RDH13: variants seen among roughly 807,000 people sequenced by gnomAD.
RDH13 encodes the protein retinol dehydrogenase 13, also known as retinol dehydrogenase 13 (all-trans and 9-cis).
In RDH13, 35 loss-of-function variants were observed where a neutral mutation model predicts 28.3. The observed-to-expected ratio is 1.24, with a 90% CI of 0.95 to 1.64. RDH13 has a LOEUF of 1.64. Ranked by LOEUF, RDH13 falls within the 40% of genes most tolerant of loss-of-function variation. The pLI, the probability that RDH13 is intolerant of heterozygous loss-of-function variation, is 0.00. For missense variants in RDH13, 514 were observed against 446.3 expected (o/e 1.15, Z -1.37); for synonymous variants, 229 against 198.5 (o/e 1.15, Z -1.29).
At chr19:55,039,165 T>C (rs2074946767) in exon 3 of RDH13, 1 of 152,212 alleles carries the variant, frequency 6.6e-6, no homozygotes, top group Non-Finnish European at 1.5e-5. Context: ...ACCACCCACA[T>C]GTCCATCAAC....
downstream of RDH13, among the ~76,000 whole-genome samples, chr19:55,043,916 G>A (rs1000410375): frequency 8.5e-5 from 9 of 105,906 alleles, no homozygotes; most frequent in African/African-American, 2.1e-4. Context: ...CTAAAAAGTC[G>A]GAACTTTTTT....
chr19:55,048,553 A>G lies in RDH13; in HGVS notation c.446-12T>C. On this transcript the variant is annotated splice_polypyrimidine_tract_variant and intron_variant, in intron 4 of 6. Transcript: ENST00000415061. ...CAAGAGAAAGTGACCTGGATTAAGG[A>G]TGATGAAAAGGTCACTTTTGACTCA... is the stretch of plus-strand genomic sequence containing the variant. 6.2e-7 allele frequency: 1 copy of G among 1,613,730 alleles called. No individual in the cohort carries two copies. Among genetic ancestry groups the G allele is most frequent in the Non-Finnish European group, 8.5e-7 (1 of 1,179,638 alleles).
chr19:55,063,209 G>GCGGGGATCCTAGGGA (rs2075868612), upstream of RDH13: 2 of 474,502 alleles, frequency 4.2e-6, no homozygotes, highest in East Asian at 3.6e-5. Context: ...GGCGGAGGGG[G>GCGGGGATCCTAGGGA]CGGGGATCCT....
chr19:55,050,887 AC>A (rs2075406517), intron 3 of RDH13: 1 of 151,310 alleles, frequency 6.6e-6, no homozygotes, highest in Non-Finnish European at 1.5e-5. Context: ...GTTGCAGCAC[AC>A]CCGTCATGAA....
rs772311109 is a variant in RDH13, at chr19:55,056,703, T to G, written c.290A>C (p.Asp97Ala). ...TCGGATAGACTTGAGGGAAGCCAAG[T>G]CCAGGTGCCGGGCGTTGACATGGTG... is the stretch of plus-strand genomic sequence containing the variant. The part of the protein sequence containing the change: ...LNHHVNARHL[D>A]LASLKSIREF... The change falls in exon 3 of 7, where the codon GAC becomes GCC. Residue 97 changes from aspartate to alanine, a missense_variant. Asp to Ala is a moderately radical substitution (Grantham distance 126). Coordinates refer to ENST00000415061, the MANE Select transcript of RDH13 (RefSeq NM_001145971.2). 54 of 1,613,922 alleles carry G rather than the reference T, an allele frequency of 3.3e-5. No homozygotes were observed. Among genetic ancestry groups the G allele is most frequent in the Non-Finnish European group, 4.6e-5 (54 of 1,180,016 alleles).
intron 5 of RDH13, 29 bp downstream of exon 5, chr19:55,048,300 G>A: frequency 6.2e-7 from 1 of 1,613,216 alleles, no homozygotes; most frequent in Non-Finnish European, 8.5e-7. Flanking sequence ...AGTAAAGCAA[G>A]AGGGAGGCCG....
At chr19:55,052,705 A>C (rs2075489719) in intron 3 of RDH13, among the ~76,000 whole-genome samples, 2 of 149,586 alleles carry the variant, frequency 1.3e-5, no homozygotes, top group Admixed American at 1.3e-4. Flanking sequence ...TCTGTCACCC[A>C]GGCTGGAGTG....
Position 55,048,767 on chromosome 19 carries a change from G to T in RDH13, c.341-4C>A, listed in dbSNP as rs775090598. 6.2e-7 allele frequency: 1 copy of T among 1,612,828 alleles called. No individual in the cohort carries two copies. The highest frequency in any genetic ancestry group is 8.5e-7 in the Non-Finnish European group (1 of 1,179,014). ...AGAATGTCCACTCGCTCCTCCTCTG[G>T]AAGAGAGGGGTGGAGGAGGAGACAT... On this transcript the variant is annotated splice_polypyrimidine_tract_variant and splice_region_variant and intron_variant, in intron 3 of 6. Transcript: ENST00000415061.
chr19:55,044,734 A>G lies in RDH13; in HGVS notation c.*340T>C, dbSNP rs1602693569. The G allele has an allele frequency of 1.8e-5, 6 of 335,514 alleles. No homozygotes were observed. In the East Asian group the frequency reaches 2.5e-4, roughly 14 times the overall value. The allele number at this position is 335,514 out of a possible 1,614,324, so 20.8% of individuals were successfully genotyped here. On this transcript the variant is annotated 3_prime_UTR_variant, in exon 7 of 7. Transcript: ENST00000415061. ...CCATGCTCTTCACGGAGCACCTTGG[A>G]ACCCTCCCCGACAGGCACCGCTGGC...
At chr19:55,048,878 CAG>C (rs1490020826) in intron 3 of RDH13, 115 bp from the exon 4 acceptor site, 8 of 939,290 alleles carry the variant, frequency 8.5e-6, no homozygotes, top group Admixed American at 2.0e-5. Context: ...GTGCCGGAAA[CAG>C]GGTCTGTGCC....
chr19:55,040,196 T>G (rs896081782), downstream of RDH13: 2 of 152,420 alleles, frequency 1.3e-5, no homozygotes, highest in Non-Finnish European at 2.9e-5. Context: ...TCTCACTCTG[T>G]CGCCGAGGCT....
chr19:55,044,743 C>T lies in RDH13; in HGVS notation c.*331G>A, dbSNP rs541018681. 20 of 357,018 alleles carry T rather than the reference C, an allele frequency of 5.6e-5. No individual in the cohort carries two copies. The highest frequency in any genetic ancestry group is 4.7e-4 in the South Asian group (6 of 12,812). The allele number at this position is 357,018 out of a possible 1,614,324, so 22.1% of individuals were successfully genotyped here. On this transcript the variant is annotated 3_prime_UTR_variant, in exon 7 of 7. Transcript: ENST00000415061. ...TCACGGAGCACCTTGGAACCCTCCCCGACAGGCACCGCTGGCTCTCCTGAC... is the reference window on the plus strand; with the variant it reads ...TCACGGAGCACCTTGGAACCCTCCCTGACAGGCACCGCTGGCTCTCCTGAC...
chr19:55,049,789 CAA>C lies in RDH13; in HGVS notation c.341-1028_341-1027del, dbSNP rs71181733. Reference sequence around the variant, plus strand: ...GGGCAATAAAAGCAAAACTCCATCTCAAAAAAAAAAAAAAAAATCACAGTCCC... The same window carrying C: ...GGGCAATAAAAGCAAAACTCCATCTCAAAAAAAAAAAAAAATCACAGTCCC... On this transcript the variant is annotated intron_variant, in intron 3 of 6. Coordinates refer to ENST00000415061, the MANE Select transcript of RDH13 (RefSeq NM_001145971.2). 5.7e-3 allele frequency among the ~76,000 whole-genome samples: 724 copies of C among 126,456 alleles called. 7 individuals carry two copies. The highest frequency in any genetic ancestry group is 0.019 in the African/African-American group (631 of 33,466). 83.0% of individuals were successfully genotyped at this position (126,456 alleles called of 152,430 possible).
intron 3 of RDH13, 114 bp from the exon 4 acceptor site, chr19:55,048,877 A>G: frequency 1.1e-6 from 1 of 945,426 alleles, no homozygotes; most frequent in East Asian, 2.6e-5. Flanking sequence ...TGTGCCGGAA[A>G]CAGGGTCTGT....
chr19:55,065,744 G>A (rs959337135), upstream of RDH13, among the ~76,000 whole-genome samples: 16 of 151,712 alleles, frequency 1.1e-4, no homozygotes, highest in African/African-American at 3.6e-4. Flanking sequence ...CTGTTTGAGA[G>A]TCTCTCTCCG....
At chr19:55,055,384 C>A (rs1048833673) in intron 3 of RDH13, among the ~76,000 whole-genome samples, 1 of 151,972 alleles carries the variant, frequency 6.6e-6, no homozygotes. Flanking sequence ...AACTCCTGAC[C>A]TCAAGGGATC....
upstream of RDH13, chr19:55,063,173 A>T: frequency 4.2e-6 from 3 of 711,956 alleles, no homozygotes; most frequent in Non-Finnish European, 6.0e-6. Context: ...CCGCGTCCGG[A>T]ACTGGGCTGC....
chr19:55,044,141 A>G (rs998112939), downstream of RDH13: 1 of 151,816 alleles, frequency 6.6e-6, no homozygotes, highest in African/African-American at 2.4e-5. Context: ...GATGGTCTCG[A>G]TCTCCTGACC....
intron 1 of RDH13, among the ~76,000 whole-genome samples, chr19:55,060,189 A>T (rs62124160): frequency 1.4e-5 from 2 of 138,438 alleles, no homozygotes; most frequent in Admixed American, 7.5e-5. Context: ...GAGGAAGGCC[A>T]CTGTCTCCTG....
Sources: allele counts gnomAD v4.1 joint callset (sites outside exome capture counted in the v4.1 genomes callset), GRCh38; gene constraint gnomAD v4.1.1; transcripts MANE v1.5; gene names NCBI Gene and HGNC (gene_info 2026-07-23, HGNC 2026-07-21).